SIK3: variants seen among roughly 807,000 people sequenced by gnomAD.
SIK3 encodes serine/threonine-protein kinase SIK3.
SIK3 carries 28 observed loss-of-function variants against 144.2 expected under a neutral mutation model. The ratio of observed to expected loss-of-function variants is 0.19; its 90% confidence interval spans 0.14 to 0.27. The LOEUF is 0.27. SIK3 is among the 10% of genes least tolerant of loss of function. The pLI is 1.00. For missense variants in SIK3, 1,319 were observed against 1,776.0 expected (o/e 0.74, Z 4.62); for synonymous variants, 686 against 676.3 (o/e 1.01, Z -0.22).
At chr11:116,916,929 A>T (rs1324410771) in intron 4 of SIK3, among the ~76,000 whole-genome samples, 4 of 150,884 alleles carry the variant, frequency 2.7e-5, no homozygotes, top group Non-Finnish European at 4.4e-5. Context: ...ACAGAGCGAG[A>T]CCTCATCTCT....
intron 1 of SIK3, among the ~76,000 whole-genome samples, chr11:117,085,546 C>A (rs924318202): frequency 2.0e-5 from 3 of 152,050 alleles, no homozygotes. Context: ...AGGAAAAAAG[C>A]GGGGAAGTGG....
rs55708502 is a variant in SIK3 at position 116,868,079 on chromosome 11, T to G, written c.1819A>C (p.Asn607His). The G allele has an allele frequency of 1.2e-4, 190 of 1,550,528 alleles. No individual in the cohort carries two copies. Among genetic ancestry groups the G allele is most frequent in the Middle Eastern group, 1.7e-4 (1 of 6,014 alleles). The change falls in exon 15 of 25, where the codon AAT becomes CAT. Residue 607 changes from asparagine (N) to histidine (H), a missense_variant. Transcript: ENST00000445177. The part of the protein sequence containing the change: ...DQEAVQRYLA[N>H]RSKRHTLAMT... ...GCCAGTGTATGTCTTTTGGACCTAT[T>G]TGCCAAGTACCTGCAACAAGCAGGA...
intron 1 of SIK3, among the ~76,000 whole-genome samples, chr11:116,996,207 C>T (rs977841337): frequency 4.6e-5 from 7 of 152,008 alleles, no homozygotes; most frequent in African/African-American, 1.7e-4. Flanking sequence ...ATTCGGGAGG[C>T]TGAGGCATGA....
chr11:116,956,167 A>G (rs1038884207), intron 2 of SIK3, among the ~76,000 whole-genome samples: 1 of 152,158 alleles, frequency 6.6e-6, no homozygotes, highest in Non-Finnish European at 1.5e-5. Context: ...TTTGAGAAGC[A>G]TCCCGAAGCC....
At chr11:117,051,882 G>T (rs1953263357) in intron 1 of SIK3, among the ~76,000 whole-genome samples, 1 of 151,802 alleles carries the variant, frequency 6.6e-6, no homozygotes, top group Admixed American at 6.6e-5. Flanking sequence ...GGTGGCTCAT[G>T]CCTGTAATCC....
intron 22 of SIK3, among the ~76,000 whole-genome samples, chr11:116,848,288 AG>A (rs2134283731): frequency 6.6e-6 from 1 of 152,332 alleles, no homozygotes; most frequent in African/African-American, 2.4e-5. Flanking sequence ...CGGAGCTTGC[AG>A]TGAGCCGAGA....
chr11:116,872,363 C>T (rs186293638), intron 13 of SIK3, among the ~76,000 whole-genome samples: 6 of 152,330 alleles, frequency 3.9e-5, no homozygotes, highest in African/African-American at 1.2e-4. Context: ...CTGTCTTGCC[C>T]ATCTCTGAAT....
intron 1 of SIK3, among the ~76,000 whole-genome samples, chr11:117,004,404 T>C (rs145062915): frequency 6.6e-6 from 1 of 152,028 alleles, no homozygotes; most frequent in Admixed American, 6.6e-5. Context: ...TGGTCCCAGC[T>C]ACTCAGGAGG....
Position 116,870,040 on chromosome 11 carries a change from A to ATC in SIK3, c.1808+290_1808+291insGA, listed in dbSNP as rs1943882391. ...GGCTTTGTGCCTTGTGAATACTATC[A>ATC]GAGTTGCAATATGAAGGCAGGGGAC... On this transcript the variant is annotated intron_variant, in intron 14 of 24. Transcript: ENST00000445177. 8 of 1,205,750 alleles carry ATC rather than the reference A, an allele frequency of 6.6e-6. No individual in the cohort carries two copies. The Admixed American group carries it at 1.3e-4, about 20-fold the overall frequency. The allele number at this position is 1,205,750 out of a possible 1,614,324, so 74.7% of individuals were successfully genotyped here. A position where few individuals can be genotyped will look rare whatever the true frequency, so the allele number is the denominator to read the frequency against.
intron 1 of SIK3, among the ~76,000 whole-genome samples, chr11:117,087,943 A>C (rs1955085421): frequency 6.6e-6 from 1 of 152,214 alleles, no homozygotes; most frequent in South Asian, 2.1e-4. Context: ...AGTAAAACTG[A>C]TGTTGGCCAG....
intron 1 of SIK3, among the ~76,000 whole-genome samples, chr11:116,991,991 G>T (rs2135561082): frequency 6.6e-6 from 1 of 152,084 alleles, no homozygotes; most frequent in East Asian, 1.9e-4. Context: ...ACCAAAAAAG[G>T]GGGTAAATCT....
chr11:116,906,696 A>T (rs540863297), intron 4 of SIK3, among the ~76,000 whole-genome samples: 1 of 152,344 alleles, frequency 6.6e-6, no homozygotes, highest in Non-Finnish European at 1.5e-5. Context: ...GAGGGAAAAC[A>T]AATGATGACA....
intron 1 of SIK3, among the ~76,000 whole-genome samples, chr11:117,048,382 C>T (rs879852956): frequency 2.0e-5 from 3 of 152,140 alleles, no homozygotes; most frequent in South Asian, 2.1e-4. Context: ...CCAGGCTGGA[C>T]GCGGTGGCTC....
At chr11:116,848,130 C>G (rs535474035) in intron 22 of SIK3, among the ~76,000 whole-genome samples, 1 of 152,092 alleles carries the variant, frequency 6.6e-6, no homozygotes, top group Non-Finnish European at 1.5e-5. Flanking sequence ...CTGGCTAACA[C>G]GGTGAAACCC....
chr11:117,059,609 T>C (rs1467020725), intron 1 of SIK3, among the ~76,000 whole-genome samples: 1 of 152,116 alleles, frequency 6.6e-6, no homozygotes, highest in African/African-American at 2.4e-5. Flanking sequence ...AAAATACCTA[T>C]CTGGTGAAGC....
chr11:117,015,913 G>A (rs1462076205), intron 1 of SIK3: 2 of 152,132 alleles, frequency 1.3e-5, no homozygotes, highest in East Asian at 1.9e-4. Flanking sequence ...TCCTATGGTA[G>A]TGGGTTATCA....
rs576964396 is a variant in SIK3 at position 116,863,814 on chromosome 11, T to C, written c.1957A>G (p.Thr653Ala). The C allele has an allele frequency of 1.9e-6, 3 of 1,606,742 alleles. No individual in the cohort carries two copies. In the Admixed American group the frequency reaches 5.1e-5, roughly 27 times the overall value. The change falls in exon 16 of 25, where the codon ACC becomes GCC. Residue 653 changes from threonine to alanine, a missense_variant. Coordinates refer to ENST00000445177, the MANE Select transcript of SIK3 (RefSeq NM_001366686.3). ...TGCAGAGTGTTGGAGTCCTTGTAGG[T>C]AGAGCTGAATATATGGGAAGAGAAG... is the stretch of plus-strand genomic sequence containing the variant. The part of the protein sequence containing the change: ...PHLVPDQHRS[T>A]YKDSNTLHLP...
Position 116,843,726 on chromosome 11 carries a change from A to C in SIK3, c.*1917T>G, listed in dbSNP as rs1184034658. 5.3e-5 allele frequency: 8 copies of C among 152,264 alleles called. No individual in the cohort carries two copies. The highest frequency in any genetic ancestry group is 8.8e-5 in the Non-Finnish European group (6 of 68,078). 9.4% of individuals were successfully genotyped at this position (152,264 alleles called of 1,614,324 possible). ...TGGTGGTAGGGCAGGTTGGGGGCATAAGAGTTGGAACAAGCGCAGATAAGT... is the reference window on the plus strand; with the variant it reads ...TGGTGGTAGGGCAGGTTGGGGGCATCAGAGTTGGAACAAGCGCAGATAAGT... On this transcript the variant is annotated 3_prime_UTR_variant, in exon 25 of 25. Coordinates refer to ENST00000445177, the MANE Select transcript of SIK3 (RefSeq NM_001366686.3).
chr11:116,901,830 G>A (rs373434505), intron 4 of SIK3, among the ~76,000 whole-genome samples: 14 of 152,032 alleles, frequency 9.2e-5, no homozygotes, highest in African/African-American at 2.7e-4. Context: ...TTGAAACACC[G>A]TAACTTTCAC....
Sources: allele counts gnomAD v4.1 joint callset (sites outside exome capture counted in the v4.1 genomes callset), GRCh38; gene constraint gnomAD v4.1.1; transcripts MANE v1.5; gene names NCBI Gene and HGNC (gene_info 2026-07-23, HGNC 2026-07-21).